LPCAT2: variants seen among roughly 807,000 people sequenced by gnomAD.
LPCAT2 encodes lysophosphatidylcholine acyltransferase 2, also known as 1-AGP acyltransferase 11.
LPCAT2 carries 58 observed loss-of-function variants against 64.7 expected under a neutral mutation model. The observed-to-expected ratio is 0.90, with a 90% CI of 0.73 to 1.12. LPCAT2 has a LOEUF of 1.12. Ranked by LOEUF, LPCAT2 falls within the 50% of genes most tolerant of loss-of-function variation. The pLI is 0.00. For missense variants in LPCAT2, 579 were observed against 669.8 expected (o/e 0.86, Z 1.50); for synonymous variants, 252 against 245.3 (o/e 1.03, Z -0.26).
At chr16:55,511,695 G>A (rs12446205) in intron 1 of LPCAT2, among the ~76,000 whole-genome samples, 78,690 of 151,550 alleles carry the variant, frequency 0.52, 20,591 homozygotes, top group Admixed American at 0.55. Context: ...TTGATTTACT[G>A]TTAGACACTA....
chr16:55,538,859 C>G (rs1186676104), intron 8 of LPCAT2: 1 of 151,870 alleles, frequency 6.6e-6, no homozygotes, highest in Non-Finnish European at 1.5e-5. Context: ...GAACCTTTTT[C>G]TCTAGATATC....
intron 11 of LPCAT2, among the ~76,000 whole-genome samples, chr16:55,561,370 C>CT (rs3996858): frequency 0.099 from 13,809 of 139,720 alleles, 1,213 homozygotes; most frequent in African/African-American, 0.21. Context: ...CCCTCCTATA[C>CT]TTTTTTTTTT....
Position 55,558,661 on chromosome 16 carries a change from A to C in LPCAT2, c.1215+7559A>C, listed in dbSNP as rs116233867. On this transcript the variant is annotated intron_variant, in intron 11 of 13. Coordinates refer to ENST00000262134, the MANE Select transcript of LPCAT2 (RefSeq NM_017839.5). ...AAGGACCAGATAGAAAATAGTTTTG[A>C]CTTTGCAGACCACATGGTGTCTGTT... Among the ~76,000 whole-genome samples, 1,354 of 152,266 alleles carry C rather than the reference A, an allele frequency of 8.9e-3. 16 individuals carry two copies. Among genetic ancestry groups the C allele is most frequent in the African/African-American group, 0.03 (1,252 of 41,564 alleles).
chr16:55,536,814 T>C (rs531654370), intron 7 of LPCAT2, among the ~76,000 whole-genome samples: 2 of 152,200 alleles, frequency 1.3e-5, no homozygotes, highest in African/African-American at 4.8e-5. Context: ...TGGAAAGCTA[T>C]AAGTAGGAAC....
chr16:55,545,711 T>C (rs1371053065), intron 8 of LPCAT2, 24 bp from the exon 9 acceptor site: 1 of 1,459,238 alleles, frequency 6.9e-7, no homozygotes, highest in Non-Finnish European at 9.6e-7. Flanking sequence ...GACATTGTTA[T>C]GGAAAGGTAT....
At chr16:55,520,235 T>C (rs1963075600) in intron 1 of LPCAT2, among the ~76,000 whole-genome samples, 1 of 152,066 alleles carries the variant, frequency 6.6e-6, no homozygotes, top group South Asian at 2.1e-4. Context: ...GAAGCTGATA[T>C]GACTGTATTA....
At position 55,525,577 on chromosome 16, in the gene LPCAT2, T is replaced by C. The variant is rs1363614611; in HGVS notation, c.241T>C (p.Trp81Arg). 2 of 1,612,524 alleles carry C rather than the reference T, an allele frequency of 1.2e-6. No individual in the cohort carries two copies. The highest frequency in any genetic ancestry group is 1.7e-5 in the Admixed American group (1 of 59,808). Residue 81 changes from tryptophan (W) to arginine (R), a missense_variant, in exon 2 of 14, where the codon TGG becomes CGG. By Grantham distance (101) the Trp-to-Arg change is moderately radical (BLOSUM62 -3). Transcript: ENST00000262134. ...LLVALILLLA[W>R]PFAAISTVCC... ...GGTTGCGTTAATTTTATTACTTGCA[T>C]GGCCATTTGCTGCAATTTCAACAGT...
chr16:55,540,591 C>T (rs1963384230), intron 8 of LPCAT2: 1 of 150,142 alleles, frequency 6.7e-6, no homozygotes. Flanking sequence ...GCCATTTACA[C>T]TGACTGTGCA....
intron 2 of LPCAT2, chr16:55,525,894 T>C (rs1340834820): frequency 7.9e-6 from 2 of 251,934 alleles, no homozygotes; most frequent in Non-Finnish European, 1.5e-5. Context: ...ATTATGATAA[T>C]CTTCTAAAAG....
At chr16:55,529,009 C>T (rs1424907453) in intron 3 of LPCAT2, among the ~76,000 whole-genome samples, 1 of 152,180 alleles carries the variant, frequency 6.6e-6, no homozygotes, top group Non-Finnish European at 1.5e-5. Flanking sequence ...TCTCCTTACT[C>T]TGTTTTCTTC....
chr16:55,521,059 T>G (rs777128619), intron 1 of LPCAT2, among the ~76,000 whole-genome samples: 3 of 151,824 alleles, frequency 2.0e-5, no homozygotes, highest in Non-Finnish European at 4.4e-5. Context: ...AACATTTGTT[T>G]AATACATTAA....
At chr16:55,575,987 G>C (rs1256211587) in intron 12 of LPCAT2, among the ~76,000 whole-genome samples, 3 of 152,156 alleles carry the variant, frequency 2.0e-5, no homozygotes, top group Admixed American at 2.0e-4. Context: ...TTCTGTTTCT[G>C]TTTGGGGATT....
intron 11 of LPCAT2, chr16:55,567,752 G>A (rs932661940): frequency 9.6e-6 from 4 of 414,910 alleles, no homozygotes; most frequent in African/African-American, 4.0e-5. Flanking sequence ...CATATATATG[G>A]TGGGGAGGTT....
chr16:55,547,996 G>A (rs889705313), intron 9 of LPCAT2, among the ~76,000 whole-genome samples: 3 of 152,176 alleles, frequency 2.0e-5, no homozygotes, highest in Non-Finnish European at 4.4e-5. Context: ...TCGAACTCCT[G>A]ACCTCGGGTG....
At chr16:55,529,384 A>G (rs556703969) in intron 3 of LPCAT2, among the ~76,000 whole-genome samples, 2 of 152,258 alleles carry the variant, frequency 1.3e-5, no homozygotes, top group South Asian at 4.1e-4. Flanking sequence ...GATCTTTGGT[A>G]AATTGAAGTT....
chr16:55,572,196 C>G (rs1365831697), intron 11 of LPCAT2, among the ~76,000 whole-genome samples: 1 of 152,168 alleles, frequency 6.6e-6, no homozygotes, highest in Non-Finnish European at 1.5e-5. Context: ...GAGTTTGTCA[C>G]ATTTCTATTT....
At chr16:55,550,358 A>G (rs1004133847) in intron 10 of LPCAT2, among the ~76,000 whole-genome samples, 3 of 152,204 alleles carry the variant, frequency 2.0e-5, no homozygotes, top group African/African-American at 7.2e-5. Flanking sequence ...TGTATAGTCT[A>G]ATGAATCCCC....
chr16:55,522,136 G>C (rs1963105804), intron 1 of LPCAT2, among the ~76,000 whole-genome samples: 1 of 151,716 alleles, frequency 6.6e-6, no homozygotes, highest in South Asian at 2.1e-4. Flanking sequence ...ACTAATAAGT[G>C]AACTTGGCCA....
At chr16:55,551,371 G>C (rs1161503086) in intron 11 of LPCAT2, 1 of 160,910 alleles carries the variant, frequency 6.2e-6, no homozygotes, top group Non-Finnish European at 1.3e-5. Context: ...AGTGTAATAT[G>C]ATATAATGTA....
Sources: gnomAD v4.1 joint callset for allele counts (sites outside exome capture counted in the v4.1 genomes callset) on GRCh38, gnomAD v4.1.1 for gene constraint, MANE v1.5 for transcripts, NCBI Gene and HGNC (gene_info 2026-07-23, HGNC 2026-07-21) for gene names.